Variants in GABRB2 observed in about 807,000 individuals in gnomAD.
GABRB2 encodes the protein gamma-aminobutyric acid type A receptor subunit beta2.
In GABRB2, 16 loss-of-function variants were observed where a neutral mutation model predicts 54.7. The observed-to-expected ratio is 0.29, with a 90% CI of 0.20 to 0.44. The LOEUF (loss-of-function observed/expected upper bound fraction) is 0.44. GABRB2 is among the 20% of genes least tolerant of loss of function. The pLI is 1.00. For synonymous variants in GABRB2, 244 were observed against 233.8 expected (o/e 1.04, Z -0.40); for missense variants, 355 against 644.0 (o/e 0.55, Z 4.86).
intron 5 of GABRB2, among the ~76,000 whole-genome samples, chr5:161,377,549 T>C (rs1755344147): frequency 3.3e-5 from 5 of 152,126 alleles, no homozygotes; most frequent in Admixed American, 3.3e-4. Context: ...CTTGAAGGTT[T>C]TATAAAAAGA....
rs1320699417 is a variant in GABRB2 at position 161,501,617 on chromosome 5, T to C, written c.238-41773A>G. Among the ~76,000 whole-genome samples, 3 of 152,182 alleles carry C rather than the reference T, an allele frequency of 2.0e-5. No homozygotes were observed. The East Asian group carries it at 5.8e-4, about 29-fold the overall frequency. ...CAATATTGCACAGATATTCCTAATGTATTTTCCAAGGATAATTTGGCAAAA... is the reference window on the plus strand; with the variant it reads ...CAATATTGCACAGATATTCCTAATGCATTTTCCAAGGATAATTTGGCAAAA... On this transcript the variant is annotated intron_variant, in intron 3 of 9. Coordinates refer to ENST00000393959, the MANE Select transcript of GABRB2 (RefSeq NM_001371727.1).
chr5:161,445,959 CAG>C (rs762823652), intron 4 of GABRB2, among the ~76,000 whole-genome samples: 2 of 152,116 alleles, frequency 1.3e-5, no homozygotes, highest in South Asian at 2.1e-4. Flanking sequence ...AAATATTTCA[CAG>C]AGTTTGACAA....
At position 161,335,163 on chromosome 5, in the gene GABRB2, T is replaced by C. The variant is rs547606448; in HGVS notation, c.680-259A>G. On this transcript the variant is annotated intron_variant, in intron 6 of 9. Transcript: ENST00000393959. ...TCAGCCTCATAGAGTGAATCAAACA[T>C]ACCCCTCCTCTGTAATTGTTAGGAC... is the stretch of plus-strand genomic sequence containing the variant. Among the ~76,000 whole-genome samples the C allele has an allele frequency of 2.6e-5, 4 of 152,274 alleles. No individual in the cohort carries two copies. In the East Asian group the frequency reaches 7.7e-4, roughly 29 times the overall value.
intron 3 of GABRB2, among the ~76,000 whole-genome samples, chr5:161,538,825 A>AG (rs1760724772): frequency 6.7e-6 from 1 of 148,912 alleles, no homozygotes; most frequent in Non-Finnish European, 1.5e-5. Context: ...CTGTCTCAAA[A>AG]GAAAAAAAAA....
At chr5:161,545,825 C>T (rs762797090) in intron 2 of GABRB2, among the ~76,000 whole-genome samples, 6 of 152,178 alleles carry the variant, frequency 3.9e-5, no homozygotes, top group Non-Finnish European at 8.8e-5. Context: ...CAGTCCTCCC[C>T]ATTTCTGTGA....
In GABRB2 at chr5:161,541,183, C is replaced by G. The variant is rs529456207; in HGVS notation, c.237+4044G>C. ...AGTAAGAATCTTTTTTTTTTTTTTT[C>G]TGAGCACTAAGTCTCAACAGTGGGC... On this transcript the variant is annotated intron_variant, in intron 3 of 9. Coordinates refer to ENST00000393959, the MANE Select transcript of GABRB2 (RefSeq NM_001371727.1). Among the ~76,000 whole-genome samples, 5 of 131,814 alleles carry G rather than the reference C, an allele frequency of 3.8e-5. No homozygotes were observed. The South Asian group carries it at 1.2e-3, about 30-fold the overall frequency. 86.5% of individuals were successfully genotyped at this position (131,814 alleles called of 152,430 possible).
At chr5:161,548,206 G>C (rs1232187948), upstream of GABRB2, 2 of 152,430 alleles carry the variant, frequency 1.3e-5, no homozygotes, top group African/African-American at 4.8e-5. Context: ...CCGGGACCCG[G>C]AGGAGGCAGC....
chr5:161,536,147 T>G (rs1457362678), intron 3 of GABRB2, among the ~76,000 whole-genome samples: 1 of 152,212 alleles, frequency 6.6e-6, no homozygotes, highest in Non-Finnish European at 1.5e-5. Flanking sequence ...TCAGGTACTC[T>G]GTTGTAGCAA....
At chr5:161,319,105 C>A (rs765073530) in intron 9 of GABRB2, among the ~76,000 whole-genome samples, 17 of 149,514 alleles carry the variant, frequency 1.1e-4, no homozygotes, top group African/African-American at 4.2e-4. Flanking sequence ...CTTACTTTCC[C>A]TAATGTAATT....
At chr5:161,310,679 A>G (rs200118436) in intron 9 of GABRB2, among the ~76,000 whole-genome samples, 9,815 of 60,048 alleles carry the variant, frequency 0.16, 373 homozygotes, top group African/African-American at 0.31. Flanking sequence ...GCACGCGCGC[A>G]CACACACACA....
chr5:161,363,767 A>G (rs1754893059), intron 5 of GABRB2, among the ~76,000 whole-genome samples: 1 of 152,178 alleles, frequency 6.6e-6, no homozygotes, highest in Non-Finnish European at 1.5e-5. Flanking sequence ...AGAAACACAA[A>G]CTATATTTAC....
rs1467844661 is a variant in GABRB2 at position 161,459,731 on chromosome 5, C to A, written c.351G>T (p.Val117=). Reference sequence around the variant, plus strand: ...TATCGTTCAGGAAATAGGTATCAGGCACCCAGAGCTGGTCTGCCACTCTGT... The same window carrying A: ...TATCGTTCAGGAAATAGGTATCAGGAACCCAGAGCTGGTCTGCCACTCTGT... The part of the protein sequence containing the change: ...LDNRVADQLW[V]PDTYFLNDKK... The change falls in exon 4 of 10, where the codon GTG becomes GTT. Residue 117 remains valine (V), a synonymous_variant. Coordinates refer to ENST00000393959, the MANE Select transcript of GABRB2 (RefSeq NM_001371727.1). 1.2e-5 allele frequency: 20 copies of A among 1,614,002 alleles called. No homozygotes were observed. Among genetic ancestry groups the A allele is most frequent in the Non-Finnish European group, 1.7e-5 (20 of 1,179,966 alleles).
At chr5:161,334,641 G>T in intron 7 of GABRB2, 111 bp downstream of exon 7, 1 of 1,033,650 alleles carries the variant, frequency 9.7e-7, no homozygotes, top group Non-Finnish European at 1.4e-6. Context: ...CAGTGTGAGA[G>T]GTTCAGTTGC....
intron 5 of GABRB2, among the ~76,000 whole-genome samples, chr5:161,392,620 C>G (rs1321987967): frequency 6.6e-6 from 1 of 152,116 alleles, no homozygotes; most frequent in African/African-American, 2.4e-5. Flanking sequence ...GTTTCACTTT[C>G]CAAATCTGGA....
At chr5:161,439,786 G>A (rs1202072036) in intron 4 of GABRB2, among the ~76,000 whole-genome samples, 6 of 151,980 alleles carry the variant, frequency 3.9e-5, no homozygotes, top group African/African-American at 1.4e-4. Context: ...ACATGGACAT[G>A]TGGTGGGGAA....
chr5:161,308,141 G>A (rs1235963281), intron 9 of GABRB2, among the ~76,000 whole-genome samples: 4 of 152,078 alleles, frequency 2.6e-5, no homozygotes, highest in Non-Finnish European at 4.4e-5. Flanking sequence ...GATTACAGGC[G>A]TGAGCCACCA....
intron 4 of GABRB2, among the ~76,000 whole-genome samples, chr5:161,452,047 T>G (rs1222547987): frequency 6.6e-6 from 1 of 152,178 alleles, no homozygotes; most frequent in African/African-American, 2.4e-5. Flanking sequence ...ATAAATAATA[T>G]ACAGCCAACT....
intron 5 of GABRB2, among the ~76,000 whole-genome samples, chr5:161,409,040 G>T (rs114330427): frequency 1.3e-5 from 2 of 152,010 alleles, no homozygotes; most frequent in African/African-American, 4.8e-5. Context: ...CTGTAGCAAT[G>T]ATTTGTTAAC....
chr5:161,325,801 G>A (rs899182598), intron 9 of GABRB2, among the ~76,000 whole-genome samples: 1 of 152,064 alleles, frequency 6.6e-6, no homozygotes, highest in Non-Finnish European at 1.5e-5. Flanking sequence ...TAAGTCAAGA[G>A]TTTTGGTAAA....
Sources: gnomAD v4.1 joint callset for allele counts (sites outside exome capture counted in the v4.1 genomes callset) on GRCh38, gnomAD v4.1.1 for gene constraint, MANE v1.5 for transcripts, NCBI Gene and HGNC (gene_info 2026-07-23, HGNC 2026-07-21) for gene names.